FSHR: variants seen among roughly 807,000 people sequenced by gnomAD.
FSHR encodes follicle-stimulating hormone receptor.
Under a neutral mutation model 52.1 loss-of-function variants are expected in FSHR, and 46 were observed. The ratio of observed to expected loss-of-function variants is 0.88; its 90% confidence interval spans 0.70 to 1.13. FSHR has a LOEUF of 1.13. FSHR is among the 50% of genes most tolerant of loss of function. FSHR has a pLI of 0.00. For synonymous variants in FSHR, 399 were observed against 309.6 expected (o/e 1.29, Z -3.03); for missense variants, 964 against 834.6 (o/e 1.16, Z -1.91).
At chr2:49,061,803 TATATATAGTC>T (rs1298617317) in intron 2 of FSHR, among the ~76,000 whole-genome samples, 26 of 141,790 alleles carry the variant, frequency 1.8e-4, no homozygotes, top group Non-Finnish European at 1.4e-4. Context: ...ACTATATAGT[TATATATAGTC>T]ATATATAACT....
At chr2:49,133,597 G>A (rs1672374515) in intron 1 of FSHR, among the ~76,000 whole-genome samples, 1 of 152,156 alleles carries the variant, frequency 6.6e-6, no homozygotes, top group Non-Finnish European at 1.5e-5. Context: ...CCAAAAAAGA[G>A]CCCTCATTGC....
intron 1 of FSHR, among the ~76,000 whole-genome samples, chr2:49,142,499 C>T (rs943186163): frequency 6.6e-6 from 1 of 152,158 alleles, no homozygotes. Flanking sequence ...CACATTAGCT[C>T]CACAAGGAAA....
chr2:49,135,464 C>G (rs1672457438), intron 1 of FSHR, among the ~76,000 whole-genome samples: 1 of 152,016 alleles, frequency 6.6e-6, no homozygotes, highest in Non-Finnish European at 1.5e-5. Flanking sequence ...CAGCTAAGGT[C>G]ATGCTTATAG....
chr2:48,975,558 G>T (rs1161599533), intron 8 of FSHR, among the ~76,000 whole-genome samples: 1 of 152,132 alleles, frequency 6.6e-6, no homozygotes, highest in Non-Finnish European at 1.5e-5. Flanking sequence ...CCATGCTATA[G>T]CTTCCCTGGT....
At chr2:49,078,283 T>A (rs1299480110) in intron 1 of FSHR, among the ~76,000 whole-genome samples, 2 of 152,162 alleles carry the variant, frequency 1.3e-5, no homozygotes, top group Non-Finnish European at 2.9e-5. Context: ...CTCCTCTTTT[T>A]AAAACCATCC....
rs781730288 is a variant in FSHR, at chr2:48,963,141, G to A, written c.1680C>T (p.Asn560=). The change falls in exon 10 of 10, where the codon AAC becomes AAT. Residue 560 remains asparagine, a synonymous_variant. Transcript: ENST00000406846. ...TGGTGTCACTAGAGGAGGACACGAT[G>A]TTGGGGTTCCGCACTGTGAGGTAGA... ...IHIYLTVRNP[N]IVSSSSDTRI... 3.7e-6 allele frequency: 6 copies of A among 1,614,154 alleles called. No homozygotes were observed. The South Asian group carries it at 5.5e-5, about 15-fold the overall frequency.
chr2:49,134,580 A>C (rs1672418316), intron 1 of FSHR, among the ~76,000 whole-genome samples: 1 of 152,200 alleles, frequency 6.6e-6, no homozygotes, highest in Non-Finnish European at 1.5e-5. Context: ...TACCCAAAGG[A>C]TTATAAATCA....
At chr2:49,134,660 C>A (rs1365239535) in intron 1 of FSHR, among the ~76,000 whole-genome samples, 1 of 152,142 alleles carries the variant, frequency 6.6e-6, no homozygotes, top group East Asian at 1.9e-4. Flanking sequence ...GACTTGGAAC[C>A]AACCCAAATG....
At chr2:49,084,971 C>G (rs553361483) in intron 1 of FSHR, among the ~76,000 whole-genome samples, 41 of 151,876 alleles carry the variant, frequency 2.7e-4, no homozygotes, top group East Asian at 1.9e-3. Context: ...TAGAAAAAGA[C>G]GGAATCCTCC....
At chr2:49,018,344 C>T (rs1667569681) in intron 3 of FSHR, among the ~76,000 whole-genome samples, 1 of 152,178 alleles carries the variant, frequency 6.6e-6, no homozygotes, top group Non-Finnish European at 1.5e-5. Flanking sequence ...CCTTGTCTTG[C>T]TGGATCAATG....
At chr2:49,153,740 C>A (rs147456837) in intron 1 of FSHR, among the ~76,000 whole-genome samples, 1 of 152,094 alleles carries the variant, frequency 6.6e-6, no homozygotes, top group Non-Finnish European at 1.5e-5. Context: ...TTCTTCACAC[C>A]TTTTCTCTTC....
intron 1 of FSHR, among the ~76,000 whole-genome samples, chr2:49,098,455 A>G (rs1230989812): frequency 6.6e-6 from 1 of 152,108 alleles, no homozygotes; most frequent in Admixed American, 6.6e-5. Context: ...CATAAAGTGT[A>G]AATAGAATTT....
chr2:48,974,216 T>C (rs1364747860), intron 8 of FSHR, among the ~76,000 whole-genome samples: 1 of 152,178 alleles, frequency 6.6e-6, no homozygotes, highest in African/African-American at 2.4e-5. Flanking sequence ...GGAGCAACCT[T>C]GTGCAATGCC....
chr2:49,148,144 G>C (rs574859450), intron 1 of FSHR, among the ~76,000 whole-genome samples: 1 of 151,896 alleles, frequency 6.6e-6, no homozygotes, highest in Non-Finnish European at 1.5e-5. Flanking sequence ...TCCTCTTTTC[G>C]ATATTTTTGT....
chr2:49,040,887 C>T (rs1668457159), intron 2 of FSHR, among the ~76,000 whole-genome samples: 1 of 152,104 alleles, frequency 6.6e-6, no homozygotes, highest in Middle Eastern at 3.4e-3. Context: ...AAATCAGGGC[C>T]CAGCGTTGAT....
intron 4 of FSHR, among the ~76,000 whole-genome samples, chr2:49,011,219 G>T (rs1253463075): frequency 6.6e-6 from 1 of 151,066 alleles, no homozygotes; most frequent in Admixed American, 6.6e-5. Flanking sequence ...ACAGATTCTG[G>T]TATGTTGTGT....
intron 1 of FSHR, among the ~76,000 whole-genome samples, chr2:49,132,329 A>C (rs1457828055): frequency 6.6e-6 from 1 of 152,182 alleles, no homozygotes; most frequent in African/African-American, 2.4e-5. Context: ...ACTCAGGGAA[A>C]AGGTCATTTT....
intron 4 of FSHR, among the ~76,000 whole-genome samples, chr2:49,013,469 T>A (rs1397717723): frequency 6.9e-5 from 9 of 129,534 alleles, no homozygotes; most frequent in Admixed American, 5.5e-4. Context: ...TATAAATATA[T>A]ATATATATAT....
At chr2:49,081,656 C>T (rs75698869) in intron 1 of FSHR, among the ~76,000 whole-genome samples, 1 of 152,104 alleles carries the variant, frequency 6.6e-6, no homozygotes, top group Non-Finnish European at 1.5e-5. Context: ...CACTATGACA[C>T]TAAAAAAAAT....
Sources: gnomAD v4.1 joint callset for allele counts (sites outside exome capture counted in the v4.1 genomes callset) on GRCh38, gnomAD v4.1.1 for gene constraint, MANE v1.5 for transcripts, NCBI Gene and HGNC (gene_info 2026-07-23, HGNC 2026-07-21) for gene names.